BMPER: variants seen among roughly 807,000 people sequenced by gnomAD.
BMPER encodes BMP binding endothelial regulator.
A neutral mutation model predicts 87.3 loss-of-function variants in BMPER; 45 were observed. The observed-to-expected ratio is 0.52, with a 90% confidence interval of 0.41 to 0.66. The LOEUF is 0.66. Ranked by LOEUF, BMPER falls within the 30% of genes least tolerant of loss-of-function variation. BMPER has a pLI of 0.00. For missense variants in BMPER, 784 were observed against 867.5 expected (o/e 0.90, Z 1.21); for synonymous variants, 326 against 316.2 (o/e 1.03, Z -0.33).
chr7:34,055,301 C>A lies in BMPER; in HGVS notation c.925C>A (p.Gln309Lys). 6.2e-7 allele frequency: 1 copy of A among 1,613,930 alleles called. No homozygotes were observed. The highest frequency in any genetic ancestry group is 1.3e-5 in the African/African-American group (1 of 75,004). ...KVCKFGNKIF[Q>K]DGEMWSSINC... The stretch of plus-strand genomic sequence containing the variant: ...ATGCAAATTTGGCAACAAGATTTTC[C>A]AGGTATGTCATGAGACAAGCACATG... Residue 309 changes from glutamine to lysine, a missense_variant and splice_region_variant, in exon 9 of 15, where the codon CAG (glutamine) becomes AAG (lysine). By Grantham distance (53) the Gln-to-Lys change is moderately conservative. Coordinates refer to ENST00000649409, the MANE Select transcript of BMPER (RefSeq NM_001365308.1).
In BMPER at chr7:34,153,274, C is replaced by G; in HGVS notation, c.*1C>G. ...GCCAGTCCTTTGTCCCCAGCGGTGA[C>G]CTTTGTTTCGATCCTTAAGACTCTG... On this transcript the variant is annotated 3_prime_UTR_variant, in exon 15 of 15. Coordinates refer to ENST00000649409, the MANE Select transcript of BMPER (RefSeq NM_001365308.1). 1 of 1,613,886 alleles carries G rather than the reference C, an allele frequency of 6.2e-7. No individual in the cohort carries two copies. Among genetic ancestry groups the G allele is most frequent in the Non-Finnish European group, 8.5e-7 (1 of 1,179,900 alleles).
chr7:33,975,862 C>T (rs907889753), intron 6 of BMPER, among the ~76,000 whole-genome samples: 1 of 152,132 alleles, frequency 6.6e-6, no homozygotes, highest in Non-Finnish European at 1.5e-5. Flanking sequence ...CCTCAGCACA[C>T]ATGCACCCAA....
chr7:33,963,472 A>G (rs1161376678), intron 3 of BMPER, among the ~76,000 whole-genome samples: 4 of 152,168 alleles, frequency 2.6e-5, no homozygotes, highest in African/African-American at 9.7e-5. Flanking sequence ...TATATTTTAT[A>G]AAAGTATCAG....
chr7:34,135,270 G>A (rs186717027), intron 13 of BMPER, among the ~76,000 whole-genome samples: 25 of 152,126 alleles, frequency 1.6e-4, no homozygotes, highest in East Asian at 1.5e-3. Flanking sequence ...TTGACAAGCC[G>A]GGAAGCAAGC....
chr7:34,128,665 G>A (rs1790465790), intron 13 of BMPER, among the ~76,000 whole-genome samples: 2 of 152,196 alleles, frequency 1.3e-5, no homozygotes, highest in Admixed American at 6.5e-5. Context: ...TGAAGAGGAT[G>A]TCACATGGAA....
At position 34,153,966 on chromosome 7, in the gene BMPER, T is replaced by C. The variant is rs1791250530; in HGVS notation, c.*693T>C. ...CCATCCTTGCGTAGTCCTCAAGTCTTCTAATCATCTATGTGTGTATGATGG... is the reference window on the plus strand; with the variant it reads ...CCATCCTTGCGTAGTCCTCAAGTCTCCTAATCATCTATGTGTGTATGATGG... On this transcript the variant is annotated 3_prime_UTR_variant, in exon 15 of 15. Coordinates refer to ENST00000649409, the MANE Select transcript of BMPER (RefSeq NM_001365308.1). The C allele has an allele frequency of 6.5e-6, 1 of 153,738 alleles. No homozygotes were observed. The highest frequency in any genetic ancestry group is 1.5e-5 in the Non-Finnish European group (1 of 68,842). 9.5% of individuals were successfully genotyped at this position (153,738 alleles called of 1,614,324 possible). A position where few individuals can be genotyped will look rare whatever the true frequency, so the allele number is the denominator to read the frequency against.
intron 3 of BMPER, among the ~76,000 whole-genome samples, chr7:33,947,489 C>A (rs1003495542): frequency 1.3e-5 from 2 of 152,108 alleles, no homozygotes; most frequent in Non-Finnish European, 2.9e-5. Context: ...TCTTGTTTTT[C>A]TATGGGTTAT....
At chr7:33,923,705 C>A (rs538307485) in intron 2 of BMPER, among the ~76,000 whole-genome samples, 4 of 152,220 alleles carry the variant, frequency 2.6e-5, no homozygotes, top group Non-Finnish European at 5.9e-5. Context: ...GGGTCACTTA[C>A]AGTTGTTCAT....
chr7:33,916,131 T>C (rs1784082732), intron 2 of BMPER, among the ~76,000 whole-genome samples: 1 of 152,192 alleles, frequency 6.6e-6, no homozygotes, highest in Admixed American at 6.5e-5. Flanking sequence ...TGAAATGTGT[T>C]TATTCTGAAT....
chr7:34,030,131 C>T (rs1787482179), intron 6 of BMPER, among the ~76,000 whole-genome samples: 1 of 151,770 alleles, frequency 6.6e-6, no homozygotes, highest in Non-Finnish European at 1.5e-5. Context: ...ATTTGAAGAC[C>T]ATATTATTTG....
At chr7:33,975,405 G>A (rs956657178) in intron 6 of BMPER, among the ~76,000 whole-genome samples, 3 of 152,200 alleles carry the variant, frequency 2.0e-5, no homozygotes, top group Non-Finnish European at 4.4e-5. Flanking sequence ...GGAGGAATCA[G>A]TGAGACAAAG....
At position 34,020,859 on chromosome 7, in the gene BMPER, AACACACACACAC is replaced by A. The variant is rs61345180; in HGVS notation, c.577-25426_577-25415del. The stretch of plus-strand genomic sequence containing the variant: ...TGAGATTTAACAGGATGAATTTCTT[AACACACACACAC>A]ACACACACACACACACACACGCACG... On this transcript the variant is annotated intron_variant, in intron 6 of 14. Coordinates refer to ENST00000649409, the MANE Select transcript of BMPER (RefSeq NM_001365308.1). Among the ~76,000 whole-genome samples, 168 of 146,844 alleles carry A rather than the reference AACACACACACAC, an allele frequency of 1.1e-3. 3 individuals carry two copies. Among genetic ancestry groups the A allele is most frequent in the East Asian group, 1.2e-3 (6 of 4,902 alleles).
chr7:34,092,257 TCCC>T (rs1789406965), intron 13 of BMPER, among the ~76,000 whole-genome samples: 2 of 152,180 alleles, frequency 1.3e-5, no homozygotes, highest in Admixed American at 1.3e-4. Context: ...TATTTGCAAC[TCCC>T]AGTGGCAGGC....
At chr7:34,095,422 T>G (rs984943710) in intron 13 of BMPER, among the ~76,000 whole-genome samples, 16 of 152,234 alleles carry the variant, frequency 1.1e-4, no homozygotes, top group Admixed American at 1.0e-3. Flanking sequence ...TAGGACCACC[T>G]TTCCTAGAAG....
At chr7:34,126,807 A>C (rs1233501006) in intron 13 of BMPER, among the ~76,000 whole-genome samples, 1 of 152,208 alleles carries the variant, frequency 6.6e-6, no homozygotes, top group African/African-American at 2.4e-5. Context: ...TTATATAGAC[A>C]TAATGCTAGA....
At chr7:33,928,332 C>T (rs557709061) in intron 2 of BMPER, among the ~76,000 whole-genome samples, 18 of 152,264 alleles carry the variant, frequency 1.2e-4, no homozygotes, top group African/African-American at 3.4e-4. Context: ...GGGCTCGATC[C>T]CTGGCTCTGC....
Position 34,079,130 on chromosome 7 carries a change from C to G in BMPER, c.1352C>G (p.Ala451Gly), listed in dbSNP as rs532833810. The G allele has an allele frequency of 1.2e-6, 2 of 1,613,918 alleles. No individual in the cohort carries two copies. Among genetic ancestry groups the G allele is most frequent in the Non-Finnish European group, 8.5e-7 (1 of 1,179,990 alleles). The change falls in exon 12 of 15, where the codon GCG becomes GGG. Residue 451 changes from alanine (A) to glycine (G), a missense_variant. Physicochemically the swap from Ala to Gly is moderately conservative, Grantham distance 60 (BLOSUM62 0). Coordinates refer to ENST00000649409, the MANE Select transcript of BMPER (RefSeq NM_001365308.1). ...NGSRIALPCR[A>G]PHFHIDLDGY... ...TCGCGCATCGCGCTCCCCTGCCGCG[C>G]GCCACACTTCCACATCGACCTGGAT...
chr7:34,042,505 T>A (rs1223115253), intron 6 of BMPER, among the ~76,000 whole-genome samples: 1 of 152,178 alleles, frequency 6.6e-6, no homozygotes, highest in African/African-American at 2.4e-5. Flanking sequence ...GAAATTGAAT[T>A]TTCCTTTTTG....
At chr7:34,075,952 A>G (rs1384720616) in intron 11 of BMPER, among the ~76,000 whole-genome samples, 1 of 152,230 alleles carries the variant, frequency 6.6e-6, no homozygotes, top group African/African-American at 2.4e-5. Flanking sequence ...TTAGTTCATG[A>G]TACAAATGTC....
Sources: allele counts gnomAD v4.1 joint callset (sites outside exome capture counted in the v4.1 genomes callset), GRCh38; gene constraint gnomAD v4.1.1; transcripts MANE v1.5; gene names NCBI Gene and HGNC (gene_info 2026-07-23, HGNC 2026-07-21).